Variants in UNC5D observed in about 807,000 individuals in gnomAD.
UNC5D encodes the protein netrin receptor UNC5D.
A neutral mutation model predicts 105.4 loss-of-function variants in UNC5D; 39 were observed. The ratio of observed to expected loss-of-function variants is 0.37; its 90% CI spans 0.29 to 0.48. UNC5D has a LOEUF of 0.48. Ranked by LOEUF, UNC5D falls within the 20% of genes least tolerant of loss-of-function variation. UNC5D has a pLI of 0.98. For synonymous variants in UNC5D, 452 were observed against 450.4 expected (o/e 1.00, Z -0.04); for missense variants, 991 against 1,202.4 (o/e 0.82, Z 2.60).
At chr8:35,595,728 G>A in intron 4 of UNC5D, 71 bp downstream of exon 4, 2 of 1,409,462 alleles carry the variant, frequency 1.4e-6, no homozygotes, top group Non-Finnish European at 2.0e-6. Context: ...GCGGAGTCCT[G>A]TGTGGCTGGA....
chr8:35,375,660 G>A (rs943483731), intron 1 of UNC5D, among the ~76,000 whole-genome samples: 1 of 152,100 alleles, frequency 6.6e-6, no homozygotes, highest in Admixed American at 6.6e-5. Context: ...GAAAGCAATA[G>A]AATAAATAAA....
intron 1 of UNC5D, among the ~76,000 whole-genome samples, chr8:35,285,783 T>C (rs1183918535): frequency 6.6e-6 from 1 of 152,118 alleles, no homozygotes; most frequent in Non-Finnish European, 1.5e-5. Flanking sequence ...AATCCACAGA[T>C]TAATTCCCTT....
At chr8:35,519,812 A>G (rs187817594) in intron 1 of UNC5D, among the ~76,000 whole-genome samples, 1 of 151,586 alleles carries the variant, frequency 6.6e-6, no homozygotes, top group Admixed American at 6.6e-5. Flanking sequence ...AGAAACATGG[A>G]AAAAAAAAGT....
chr8:35,711,452 T>C (rs1232073575), intron 8 of UNC5D, among the ~76,000 whole-genome samples: 1 of 152,118 alleles, frequency 6.6e-6, no homozygotes, highest in East Asian at 1.9e-4. Flanking sequence ...AGTGCTGGGA[T>C]TACAGACATG....
At chr8:35,330,740 T>G (rs1244140194) in intron 1 of UNC5D, among the ~76,000 whole-genome samples, 1 of 152,202 alleles carries the variant, frequency 6.6e-6, no homozygotes, top group African/African-American at 2.4e-5. Context: ...AGCTGGGGGC[T>G]GCAATGAAAA....
At chr8:35,235,981 C>G in intron 1 of UNC5D, 94 bp downstream of exon 1, 1 of 1,104,210 alleles carries the variant, frequency 9.1e-7, no homozygotes, top group South Asian at 4.7e-5. Flanking sequence ...GGCTTCCCAA[C>G]TTGCGCCCTG....
At chr8:35,635,821 T>A (rs1822335952) in intron 4 of UNC5D, among the ~76,000 whole-genome samples, 1 of 152,202 alleles carries the variant, frequency 6.6e-6, no homozygotes, top group South Asian at 2.1e-4. Flanking sequence ...GAGTTACGTG[T>A]GTAGATTTTC....
intron 1 of UNC5D, among the ~76,000 whole-genome samples, chr8:35,479,180 C>T (rs1810314420): frequency 6.6e-6 from 1 of 152,144 alleles, no homozygotes; most frequent in South Asian, 2.1e-4. Context: ...CCTACTATGT[C>T]TCAAGCCTGA....
At chr8:35,385,106 G>A (rs1803303531) in intron 1 of UNC5D, among the ~76,000 whole-genome samples, 1 of 152,160 alleles carries the variant, frequency 6.6e-6, no homozygotes, top group African/African-American at 2.4e-5. Flanking sequence ...AAGTTTTCTT[G>A]GCTTTGCTAG....
intron 4 of UNC5D, among the ~76,000 whole-genome samples, chr8:35,678,960 C>T (rs553547396): frequency 3.3e-5 from 5 of 151,944 alleles, no homozygotes; most frequent in Non-Finnish European, 7.4e-5. Flanking sequence ...ATCTTTAAGA[C>T]TATCAAATAG....
chr8:35,329,516 G>C (rs757630235), intron 1 of UNC5D, among the ~76,000 whole-genome samples: 1 of 151,828 alleles, frequency 6.6e-6, no homozygotes, highest in Admixed American at 6.6e-5. Context: ...GAATAGACAA[G>C]CACCAGGAAA....
In UNC5D at chr8:35,683,746, C is replaced by T. The variant is rs1356035377; in HGVS notation, c.751+19C>T. On this transcript the variant is annotated intron_variant, in intron 5 of 16. Transcript: ENST00000404895. ...GTCTACGGTAAGACCATTCCAAAGG[C>T]CAGGAATGGATAGGGAGGGCAGAAA... The T allele has an allele frequency of 8.8e-6, 13 of 1,471,274 alleles. No homozygotes were observed. The highest frequency in any genetic ancestry group is 1.2e-5 in the Non-Finnish European group (13 of 1,115,874). 91.1% of individuals were successfully genotyped at this position (1,471,274 alleles called of 1,614,324 possible).
intron 15 of UNC5D, 122 bp downstream of exon 15, chr8:35,767,188 ATCT>A: frequency 8.5e-7 from 1 of 1,182,870 alleles, no homozygotes; most frequent in Non-Finnish European, 1.2e-6. Flanking sequence ...CAAACTCTTC[ATCT>A]TCATTACTGA....
intron 4 of UNC5D, among the ~76,000 whole-genome samples, chr8:35,624,261 T>C (rs553881106): frequency 2.0e-5 from 3 of 152,346 alleles, no homozygotes; most frequent in East Asian, 1.9e-4. Context: ...GCGTATATAG[T>C]GGAAGCCACA....
chr8:35,270,053 T>A (rs1303113707), intron 1 of UNC5D, among the ~76,000 whole-genome samples: 2 of 152,232 alleles, frequency 1.3e-5, no homozygotes, highest in African/African-American at 4.8e-5. Flanking sequence ...ATGTATCTCT[T>A]GTGTATATCA....
At chr8:35,393,199 C>T (rs994072488) in intron 1 of UNC5D, among the ~76,000 whole-genome samples, 1 of 121,890 alleles carries the variant, frequency 8.2e-6, no homozygotes, top group African/African-American at 3.1e-5. Flanking sequence ...GTGGCGCAAT[C>T]TCGGCTCACT....
At chr8:35,516,651 C>T (rs1029817939) in intron 1 of UNC5D, among the ~76,000 whole-genome samples, 2 of 152,318 alleles carry the variant, frequency 1.3e-5, no homozygotes, top group African/African-American at 4.8e-5. Flanking sequence ...TACTATCTCT[C>T]CCAAATTCAT....
intron 3 of UNC5D, among the ~76,000 whole-genome samples, chr8:35,572,280 A>AC (rs1817785152): frequency 9.8e-6 from 1 of 101,842 alleles, no homozygotes. Flanking sequence ...ACTGTCAAAA[A>AC]AAAAAAAAAA....
chr8:35,378,955 G>A (rs1180069586), intron 1 of UNC5D, among the ~76,000 whole-genome samples: 1 of 152,170 alleles, frequency 6.6e-6, no homozygotes, highest in Non-Finnish European at 1.5e-5. Context: ...GTTTTGTCAG[G>A]TGCAGGAGTG....
Sources: allele counts gnomAD v4.1 joint callset (sites outside exome capture counted in the v4.1 genomes callset), GRCh38; gene constraint gnomAD v4.1.1; transcripts MANE v1.5; gene names NCBI Gene and HGNC (gene_info 2026-07-23, HGNC 2026-07-21).